PDZD2: variants seen among roughly 807,000 people sequenced by gnomAD.
PDZD2 encodes PDZ domain containing 2, also known as PDZ domain-containing protein 2.
Under a neutral mutation model 220.7 loss-of-function variants are expected in PDZD2, and 90 were observed. The ratio of observed to expected loss-of-function variants is 0.41; its 90% CI spans 0.34 to 0.49. The LOEUF is 0.49. Among genes scored for constraint, PDZD2 ranks in the 20% least tolerant of loss-of-function variants. PDZD2 has a pLI of 0.28. For synonymous variants in PDZD2, 1,375 were observed against 1,450.5 expected (o/e 0.95, Z 1.18); for missense variants, 3,174 against 3,608.5 (o/e 0.88, Z 3.08).
At chr5:31,690,660 A>T (rs1747082567) in intron 1 of PDZD2, among the ~76,000 whole-genome samples, 1 of 151,864 alleles carries the variant, frequency 6.6e-6, no homozygotes, top group South Asian at 2.1e-4. Flanking sequence ...TCCTCTTTGT[A>T]TCTCCATGTA....
In PDZD2 at chr5:32,059,468, C is replaced by A. The variant is rs1281867509; in HGVS notation, c.2318+112C>A. 1.2e-5 allele frequency: 6 copies of A among 520,390 alleles called. No individual in the cohort carries two copies. The East Asian group carries it at 1.8e-4, about 16-fold the overall frequency. 32.2% of individuals were successfully genotyped at this position (520,390 alleles called of 1,614,324 possible). ...TTGAGGGATGTTGAAGCTTTGAATT[C>A]TTTCCAAGAACGTAGCCAAGACTAC... is the stretch of plus-strand genomic sequence containing the variant. On this transcript the variant is annotated intron_variant, in intron 13 of 24. Coordinates refer to ENST00000438447, the MANE Select transcript of PDZD2 (RefSeq NM_178140.4).
chr5:32,058,337 T>C (rs1352170599), intron 12 of PDZD2, among the ~76,000 whole-genome samples: 1 of 146,730 alleles, frequency 6.8e-6, no homozygotes, highest in Admixed American at 6.9e-5. Flanking sequence ...TCCCCATGAA[T>C]CACTGTGGGT....
chr5:31,816,886 T>G (rs970258696), intron 2 of PDZD2, among the ~76,000 whole-genome samples: 1 of 152,174 alleles, frequency 6.6e-6, no homozygotes, highest in African/African-American at 2.4e-5. Flanking sequence ...ATGGCAGCTG[T>G]TAAAAGCAGC....
intron 2 of PDZD2, among the ~76,000 whole-genome samples, chr5:31,958,817 G>T (rs1747957926): frequency 6.6e-6 from 1 of 152,004 alleles, no homozygotes; most frequent in Non-Finnish European, 1.5e-5. Flanking sequence ...TGTATAGATG[G>T]TGATCTCATT....
chr5:31,938,064 CTGGT>C (rs1330730685), intron 2 of PDZD2, among the ~76,000 whole-genome samples: 1 of 152,196 alleles, frequency 6.6e-6, no homozygotes, highest in Non-Finnish European at 1.5e-5. Flanking sequence ...TGCTGGTTTG[CTGGT>C]TGGTCTGTTG....
chr5:31,967,806 C>T (rs572340278), intron 2 of PDZD2, among the ~76,000 whole-genome samples: 40 of 152,204 alleles, frequency 2.6e-4, no homozygotes, highest in African/African-American at 9.2e-4. Context: ...CATAGCAAAG[C>T]CCCCTGTGAT....
intron 13 of PDZD2, among the ~76,000 whole-genome samples, chr5:32,060,794 T>C (rs1173092376): frequency 6.6e-6 from 1 of 152,224 alleles, no homozygotes; most frequent in Admixed American, 6.5e-5. Flanking sequence ...TGCCAGTAAA[T>C]ATGCATAATG....
intron 2 of PDZD2, among the ~76,000 whole-genome samples, chr5:31,963,854 C>T (rs2111719118): frequency 6.6e-6 from 1 of 152,236 alleles, no homozygotes; most frequent in African/African-American, 2.4e-5. Context: ...CCCCAATGCC[C>T]AGCACCCAGG....
chr5:31,921,658 C>T (rs1195766864), intron 2 of PDZD2, among the ~76,000 whole-genome samples: 4 of 152,206 alleles, frequency 2.6e-5, no homozygotes, highest in Non-Finnish European at 4.4e-5. Flanking sequence ...CCACTGCACT[C>T]CCACCTGGGT....
chr5:31,884,429 G>A (rs1192732823), intron 2 of PDZD2, among the ~76,000 whole-genome samples: 6 of 152,102 alleles, frequency 3.9e-5, no homozygotes, highest in Admixed American at 3.9e-4. Flanking sequence ...GCTCTTAGAA[G>A]CTCTGAGAAA....
chr5:32,049,650 T>G (rs1446545396), intron 8 of PDZD2, among the ~76,000 whole-genome samples: 1 of 152,196 alleles, frequency 6.6e-6, no homozygotes, highest in African/African-American at 2.4e-5. Flanking sequence ...ATCAGTCAAT[T>G]ATGTGTCAGG....
Position 32,110,624 on chromosome 5 carries a change from T to TAACA in PDZD2, c.*2491_*2494dup, listed in dbSNP as rs1478992222. On this transcript the variant is annotated 3_prime_UTR_variant, in exon 25 of 25. Transcript: ENST00000438447. ...TATGAGGGTAAATAAATATGTGTTA[T>TAACA]AACAAGTAAACCGTAGTTGCAAGAA... 1 of 152,654 alleles carries TAACA rather than the reference T, an allele frequency of 6.6e-6. No individual in the cohort carries two copies. Among genetic ancestry groups the TAACA allele is most frequent in the East Asian group, 1.9e-4 (1 of 5,200 alleles). The allele number at this position is 152,654 out of a possible 1,614,324, so 9.5% of individuals were successfully genotyped here. A position where few individuals can be genotyped will look rare whatever the true frequency, so the allele number is the denominator to read the frequency against.
chr5:31,922,373 C>T (rs1279343505), intron 2 of PDZD2, among the ~76,000 whole-genome samples: 2 of 152,188 alleles, frequency 1.3e-5, no homozygotes, highest in African/African-American at 4.8e-5. Flanking sequence ...TCTTAATCTT[C>T]CCCACTTGAA....
chr5:31,651,815 TTTTG>T (rs1304898760), intron 1 of PDZD2, among the ~76,000 whole-genome samples: 6 of 151,444 alleles, frequency 4.0e-5, no homozygotes, highest in African/African-American at 7.3e-5. Context: ...GTTTGTTTGT[TTTTG>T]TTTGTTTGTT....
At chr5:32,058,497 C>T (rs901819152) in intron 12 of PDZD2, among the ~76,000 whole-genome samples, 18 of 137,808 alleles carry the variant, frequency 1.3e-4, no homozygotes, top group South Asian at 2.3e-4. Context: ...GGCGAAACCC[C>T]GTTTCTACTA....
At chr5:31,928,912 A>C (rs1745019271) in intron 2 of PDZD2, among the ~76,000 whole-genome samples, 1 of 151,990 alleles carries the variant, frequency 6.6e-6, no homozygotes, top group South Asian at 2.1e-4. Flanking sequence ...TATAAGAGGG[A>C]ATATTAAGGA....
At position 32,069,670 on chromosome 5, in the gene PDZD2, T is replaced by C. The variant is rs138214079; in HGVS notation, c.2533+20T>C. ...GCTTAGGTACTGTAATCTCACATTT[T>C]CATTCAACATTCAGAAGAGTTTCTC... On this transcript the variant is annotated intron_variant, in intron 15 of 24. Coordinates refer to ENST00000438447, the MANE Select transcript of PDZD2 (RefSeq NM_178140.4). 2.1e-5 allele frequency: 25 copies of C among 1,169,968 alleles called. No individual in the cohort carries two copies. In the East Asian group the frequency reaches 5.8e-4, roughly 27 times the overall value. 72.5% of individuals were successfully genotyped at this position (1,169,968 alleles called of 1,614,324 possible). A position where few individuals can be genotyped will look rare whatever the true frequency, so the allele number is the denominator to read the frequency against.
intron 1 of PDZD2, chr5:31,725,879 T>A: frequency 1.3e-6 from 1 of 756,166 alleles, no homozygotes. Context: ...AGTTGGTCTT[T>A]TTCTAGGACT....
At chr5:31,990,627 A>G (rs1751133020) in intron 3 of PDZD2, among the ~76,000 whole-genome samples, 1 of 152,202 alleles carries the variant, frequency 6.6e-6, no homozygotes, top group African/African-American at 2.4e-5. Context: ...TGGAACTGTA[A>G]GATTAGCGGA....
Sources: gnomAD v4.1 joint callset for allele counts (sites outside exome capture counted in the v4.1 genomes callset) on GRCh38, gnomAD v4.1.1 for gene constraint, MANE v1.5 for transcripts, NCBI Gene and HGNC (gene_info 2026-07-23, HGNC 2026-07-21) for gene names.